PRKDC: variants seen among roughly 807,000 people sequenced by gnomAD.
PRKDC encodes protein kinase, DNA-activated, catalytic subunit, also known as DNA-dependent protein kinase catalytic subunit.
A neutral mutation model predicts 486.9 loss-of-function variants in PRKDC; 82 were observed. That is an observed-to-expected ratio of 0.17 (90% confidence interval 0.14 to 0.20). The LOEUF (loss-of-function observed/expected upper bound fraction) is 0.20, where lower values mean the gene tolerates loss of function less well. PRKDC is among the 10% of genes least tolerant of loss of function. The probability of loss-of-function intolerance (pLI) is 1.00; values close to 1 mark genes in which losing one functional copy is unlikely to be tolerated. For synonymous variants in PRKDC, 1,895 were observed against 1,837.0 expected (o/e 1.03, Z -0.81); for missense variants, 4,504 against 5,038.2 (o/e 0.89, Z 3.21).
chr8:47,957,456 G>A (rs1181902094), intron 1 of PRKDC, 25 bp from the exon 2 acceptor site: 69 of 1,535,272 alleles, frequency 4.5e-5, no homozygotes, highest in Non-Finnish European at 5.2e-5. Flanking sequence ...AAGTAAACAA[G>A]TTAAGAGAGT....
chr8:47,915,337 G>A lies in PRKDC; in HGVS notation c.2608C>T (p.Leu870Phe), dbSNP rs368278587. The A allele has an allele frequency of 2.0e-6, 3 of 1,532,628 alleles. No individual in the cohort carries two copies. The highest frequency in any genetic ancestry group is 2.7e-6 in the Non-Finnish European group (3 of 1,127,648). 94.9% of individuals were successfully genotyped at this position (1,532,628 alleles called of 1,614,324 possible). The part of the protein sequence containing the change: ...GSLGGQINKN[L>F]LTVTSSDEMM... ...TTTAAAAGAAGTTTACCTGTCAGAA[G>A]ATTTTTGTTTATTTGTCCTCCTAGA... The change falls in exon 23 of 86, where the codon CTT becomes TTT. Residue 870 changes from leucine to phenylalanine, a missense_variant. By Grantham distance (22) the Leu-to-Phe change is conservative (BLOSUM62 0). Around this residue, in one of 6 missense-constraint regions of PRKDC, gnomAD observed 1,969 missense variants for 2,068.9 expected, o/e 0.95. Coordinates refer to ENST00000314191, the MANE Select transcript of PRKDC (RefSeq NM_006904.7).
intron 74 of PRKDC, among the ~76,000 whole-genome samples, chr8:47,793,683 T>TAAAAAAAAAAAA (rs397892514): frequency 1.1e-4 from 8 of 72,806 alleles, no homozygotes; most frequent in East Asian, 3.9e-4. Flanking sequence ...TTAAAAAAAC[T>TAAAAAAAAAAAA]AAAAAAAAAA....
chr8:47,774,434 T>G (rs533685404), intron 85 of PRKDC, 57 bp from the exon 86 acceptor site: 1 of 1,524,812 alleles, frequency 6.6e-7, no homozygotes, highest in Admixed American at 1.9e-5. Context: ...CTTTGTTGCC[T>G]GCATCCCTAG....
At chr8:47,888,957 A>G (rs774403923) in intron 33 of PRKDC, 57 bp downstream of exon 33, 41 of 1,537,838 alleles carry the variant, frequency 2.7e-5, no homozygotes, top group Non-Finnish European at 3.3e-5. Flanking sequence ...GCACGGCAAC[A>G]TACTAGGGCC....
At chr8:47,835,968 A>T (rs561974676) in intron 58 of PRKDC, among the ~76,000 whole-genome samples, 1 of 152,050 alleles carries the variant, frequency 6.6e-6, no homozygotes, top group South Asian at 2.1e-4. Context: ...GAGTCTTTCC[A>T]TGTTGCCCAG....
chr8:47,889,129 C>G lies in PRKDC; in HGVS notation c.4165G>C (p.Val1389Leu), dbSNP rs1445022618. Reference sequence around the variant, plus strand: ...TCAGGAAGATGAGCCATAACCTGGACGTCTCCGATGTTGAAACCTATGCTT... The same window carrying G: ...TCAGGAAGATGAGCCATAACCTGGAGGTCTCCGATGTTGAAACCTATGCTT... Reference protein sequence around the residue: ...PASIGFNIGDVQVMAHLPDVC... With the variant: ...PASIGFNIGDLQVMAHLPDVC... Residue 1389 changes from valine (V) to leucine (L), a missense_variant, in exon 33 of 86, where the codon GTC becomes CTC. Coordinates refer to ENST00000314191, the MANE Select transcript of PRKDC (RefSeq NM_006904.7). The G allele has an allele frequency of 6.2e-7, 1 of 1,614,008 alleles. No homozygotes were observed. The highest frequency in any genetic ancestry group is 2.2e-5 in the East Asian group (1 of 44,890).
Position 47,852,718 on chromosome 8 carries a change from T to C in PRKDC, c.6960A>G (p.Ala2320=). The change falls in exon 52 of 86, where the codon GCA becomes GCG. Residue 2320 remains alanine (A), a synonymous_variant. Transcript: ENST00000314191. ...ATCGAAGTATAAGTCCTAGAACTTCTGCTGCAGCGGCATACACTTCTTTAT... is the reference window on the plus strand; with the variant it reads ...ATCGAAGTATAAGTCCTAGAACTTCCGCTGCAGCGGCATACACTTCTTTAT... The part of the protein sequence containing the change: ...VRYKEVYAAA[A]EVLGLILRYV... The C allele has an allele frequency of 6.3e-7, 1 of 1,581,738 alleles. No individual in the cohort carries two copies. Among genetic ancestry groups the C allele is most frequent in the Non-Finnish European group, 8.6e-7 (1 of 1,162,014 alleles).
At chr8:47,957,490 T>C in intron 1 of PRKDC, 59 bp from the exon 2 acceptor site, 2 of 1,313,124 alleles carry the variant, frequency 1.5e-6, no homozygotes, top group Non-Finnish European at 2.1e-6. Flanking sequence ...TGTAAACCAC[T>C]CCTAAAGGGG....
chr8:47,874,894 A>G (rs1489949785), intron 40 of PRKDC, among the ~76,000 whole-genome samples: 1 of 152,108 alleles, frequency 6.6e-6, no homozygotes. Context: ...GTGTGTATAT[A>G]AAAAATACAA....
At chr8:47,946,600 C>G (rs2090535678) in intron 7 of PRKDC, among the ~76,000 whole-genome samples, 1 of 152,076 alleles carries the variant, frequency 6.6e-6, no homozygotes, top group South Asian at 2.1e-4. Context: ...CGCCTGGTCT[C>G]TGCACTCTCA....
chr8:47,880,391 T>G (rs1302993497), intron 38 of PRKDC, among the ~76,000 whole-genome samples: 1 of 151,952 alleles, frequency 6.6e-6, no homozygotes, highest in Non-Finnish European at 1.5e-5. Flanking sequence ...GAACTAGGAG[T>G]TGACTCCTGT....
intron 25 of PRKDC, among the ~76,000 whole-genome samples, chr8:47,907,319 C>A (rs866221824): frequency 6.8e-6 from 1 of 147,860 alleles, no homozygotes; most frequent in Non-Finnish European, 1.5e-5. Context: ...GGATTACAGG[C>A]GTGAGCCACC....
At chr8:47,864,433 C>T in intron 41 of PRKDC, 123 bp downstream of exon 41, 1 of 852,818 alleles carries the variant, frequency 1.2e-6, no homozygotes, top group Non-Finnish European at 1.8e-6. Context: ...CATGTAGCCA[C>T]AGACTGTTAT....
At chr8:47,796,908 T>G (rs1408790313) in intron 73 of PRKDC, among the ~76,000 whole-genome samples, 1 of 152,188 alleles carries the variant, frequency 6.6e-6, no homozygotes, top group Non-Finnish European at 1.5e-5. Context: ...TTTTTTAACT[T>G]TGTATACGGT....
rs1008652788 is a variant in PRKDC, at chr8:47,924,579, TA to T, written c.2419+2614del. ...TGTCTCAAAATAATAATAATAATAA[TA>T]AAAAAAAGGAAAATGAGATTTGGAG... On this transcript the variant is annotated intron_variant, in intron 21 of 85. Transcript: ENST00000314191. Among the ~76,000 whole-genome samples, 99 of 151,184 alleles carry T rather than the reference TA, an allele frequency of 6.5e-4. 1 individual carries two copies. The highest frequency in any genetic ancestry group is 2.3e-3 in the African/African-American group (95 of 41,170).
At chr8:47,778,978 C>T (rs1038615114) in intron 81 of PRKDC, 26 bp downstream of exon 81, 31 of 1,538,618 alleles carry the variant, frequency 2.0e-5, no homozygotes, top group Non-Finnish European at 2.5e-5. Flanking sequence ...CTAACTAATA[C>T]AAAGAAAAAT....
intron 59 of PRKDC, among the ~76,000 whole-genome samples, 163 bp downstream of exon 59, chr8:47,834,033 T>A (rs2154499590): frequency 6.6e-6 from 1 of 152,346 alleles, no homozygotes; most frequent in Admixed American, 6.5e-5. Flanking sequence ...CAGAAAACAA[T>A]TTCTTCAGCA....
At position 47,807,139 on chromosome 8, in the gene PRKDC, G is replaced by C; in HGVS notation, c.9745C>G (p.Gln3249Glu). The C allele has an allele frequency of 6.2e-7, 1 of 1,613,158 alleles. No homozygotes were observed. The highest frequency in any genetic ancestry group is 8.5e-7 in the Non-Finnish European group (1 of 1,179,446). ...KMKMIDSARK[Q>E]NNFSLAMKLL... ...GGAGGACAGACACGAGTACCCACCT[G>C]CTTCCGGGCACTGTCTATCATCTTC... The change falls in exon 69 of 86, where the codon CAG (glutamine) becomes GAG (glutamate). Residue 3249 changes from glutamine to glutamate, a missense_variant and splice_region_variant. This residue lies in a region of PRKDC where 1,592 missense variants were observed against 1,724.6 expected (regional missense o/e 0.92). Transcript: ENST00000314191.
At chr8:47,813,187 T>C in intron 68 of PRKDC, among the ~76,000 whole-genome samples, 1 of 151,892 alleles carries the variant, frequency 6.6e-6, no homozygotes. Flanking sequence ...GCACGATCTC[T>C]GCTCACTGCA....
Sources: allele counts gnomAD v4.1 joint callset (sites outside exome capture counted in the v4.1 genomes callset), GRCh38; gene constraint gnomAD v4.1.1; regional missense constraint gnomAD v4.1.1; transcripts MANE v1.5; gene names NCBI Gene and HGNC (gene_info 2026-07-23, HGNC 2026-07-21).